CNTNAP2: variants seen among roughly 807,000 people sequenced by gnomAD.
CNTNAP2 encodes the protein contactin-associated protein-like 2.
Under a neutral mutation model 155.2 loss-of-function variants are expected in CNTNAP2, and 98 were observed. That is an observed-to-expected ratio of 0.63 (90% confidence interval 0.54 to 0.75). The LOEUF (loss-of-function observed/expected upper bound fraction) is 0.75, where lower values mean the gene tolerates loss of function less well. Ranked by LOEUF, CNTNAP2 falls within the 30% of genes least tolerant of loss-of-function variation. The probability of loss-of-function intolerance (pLI) is 0.00; values close to 1 mark genes in which losing one functional copy is unlikely to be tolerated. For missense variants in CNTNAP2, 1,727 were observed against 1,688.1 expected (o/e 1.02, Z -0.40); for synonymous variants, 651 against 631.2 (o/e 1.03, Z -0.47).
At chr7:147,914,436 A>G (rs1439240812) in intron 14 of CNTNAP2, among the ~76,000 whole-genome samples, 2 of 151,542 alleles carry the variant, frequency 1.3e-5, no homozygotes, top group Non-Finnish European at 2.9e-5. Flanking sequence ...GCCACTCGGG[A>G]GGCTGAGACA....
rs1245758423 is a variant in CNTNAP2, at chr7:146,471,930, A to G, written c.98-302341A>G. Among the ~76,000 whole-genome samples, 3 of 152,308 alleles carry G rather than the reference A, an allele frequency of 2.0e-5. No individual in the cohort carries two copies. In the East Asian group the frequency reaches 5.8e-4, roughly 29 times the overall value. On this transcript the variant is annotated intron_variant, in intron 1 of 23. Transcript: ENST00000361727. Reference sequence around the variant, plus strand: ...TGGTAGCTGAATAAAGAAAATTCCAACAGATTCTGTCAGTTTCCCAGATTT... The same window carrying G: ...TGGTAGCTGAATAAAGAAAATTCCAGCAGATTCTGTCAGTTTCCCAGATTT...
rs6464830 is a variant in CNTNAP2 at position 147,595,903 on chromosome 7, T to A, written c.1897+33646T>A. On this transcript the variant is annotated intron_variant, in intron 12 of 23. Transcript: ENST00000361727. ...CTCCGTGACCTCTAAAAGTTGGAGT[T>A]CCTGAGGCCTTACCCTGGGCTTTCT... Among the ~76,000 whole-genome samples, 3 of 151,982 alleles carry A rather than the reference T, an allele frequency of 2.0e-5. No individual in the cohort carries two copies. The South Asian group carries it at 6.2e-4, about 32-fold the overall frequency.
At chr7:147,678,331 C>T (rs1225940543) in intron 13 of CNTNAP2, among the ~76,000 whole-genome samples, 4 of 151,858 alleles carry the variant, frequency 2.6e-5, no homozygotes, top group Non-Finnish European at 5.9e-5. Context: ...AGACTGATCT[C>T]CCCAAATATG....
chr7:147,324,039 G>GAA (rs149474351), intron 9 of CNTNAP2, among the ~76,000 whole-genome samples: 27 of 148,278 alleles, frequency 1.8e-4, no homozygotes, highest in Middle Eastern at 3.5e-3. Context: ...GAACTATTAG[G>GAA]AAAAAAAAAA....
At chr7:148,299,293 A>G (rs1797340262) in intron 21 of CNTNAP2, among the ~76,000 whole-genome samples, 2 of 152,140 alleles carry the variant, frequency 1.3e-5, no homozygotes, top group African/African-American at 4.8e-5. Flanking sequence ...CCCGGCCCCA[A>G]CTTTTTAAAA....
intron 15 of CNTNAP2, among the ~76,000 whole-genome samples, chr7:147,994,369 CA>C (rs71527864): frequency 2.5e-3 from 327 of 132,192 alleles, no homozygotes; most frequent in Non-Finnish European, 2.7e-3. Flanking sequence ...AGACCTGTCT[CA>C]AAAAAAAAAA....
At chr7:147,519,116 A>G (rs981423760) in intron 11 of CNTNAP2, among the ~76,000 whole-genome samples, 2 of 151,962 alleles carry the variant, frequency 1.3e-5, no homozygotes, top group African/African-American at 4.8e-5. Flanking sequence ...CAACACAAAT[A>G]TGTTATCTTA....
chr7:147,306,629 G>A (rs537553035), intron 9 of CNTNAP2, among the ~76,000 whole-genome samples: 24 of 152,270 alleles, frequency 1.6e-4, no homozygotes, highest in African/African-American at 4.3e-4. Context: ...GGAACTAACC[G>A]AATGTTGTAT....
At chr7:146,769,842 T>A (rs1473879653) in intron 1 of CNTNAP2, among the ~76,000 whole-genome samples, 2 of 152,194 alleles carry the variant, frequency 1.3e-5, no homozygotes, top group Non-Finnish European at 2.9e-5. Context: ...ATGCATGATG[T>A]GTAACTGTGC....
chr7:146,412,922 T>C (rs1404743205), intron 1 of CNTNAP2, among the ~76,000 whole-genome samples: 1 of 152,152 alleles, frequency 6.6e-6, no homozygotes, highest in Non-Finnish European at 1.5e-5. Context: ...AATGGATACA[T>C]TTTTTTATAC....
At chr7:148,045,920 T>C (rs1802765796) in intron 15 of CNTNAP2, among the ~76,000 whole-genome samples, 1 of 152,130 alleles carries the variant, frequency 6.6e-6, no homozygotes, top group Non-Finnish European at 1.5e-5. Context: ...ATAGGAAAAA[T>C]GATTTTTATT....
chr7:148,385,673 A>G (rs527236961), intron 22 of CNTNAP2, among the ~76,000 whole-genome samples: 159 of 151,270 alleles, frequency 1.1e-3, no homozygotes, highest in Non-Finnish European at 1.8e-3. Context: ...GTGAGATATG[A>G]CTGTAGGGAC....
chr7:147,935,195 C>T (rs191497329), intron 14 of CNTNAP2, among the ~76,000 whole-genome samples: 3 of 151,616 alleles, frequency 2.0e-5, no homozygotes, highest in Non-Finnish European at 2.9e-5. Flanking sequence ...GGTGCGATCT[C>T]GGCTCACTGC....
intron 1 of CNTNAP2, among the ~76,000 whole-genome samples, chr7:146,133,791 G>T (rs941719323): frequency 6.6e-6 from 1 of 152,180 alleles, no homozygotes; most frequent in South Asian, 2.1e-4. Context: ...TTTGGTACCA[G>T]TACCATGCTG....
chr7:147,431,378 C>T (rs976785305), intron 10 of CNTNAP2, among the ~76,000 whole-genome samples: 1 of 152,098 alleles, frequency 6.6e-6, no homozygotes, highest in Non-Finnish European at 1.5e-5. Context: ...AAACTTTAAA[C>T]TATAAACTTT....
chr7:146,989,165 C>A (rs1308211415), intron 3 of CNTNAP2, among the ~76,000 whole-genome samples: 1 of 151,954 alleles, frequency 6.6e-6, no homozygotes, highest in East Asian at 1.9e-4. Context: ...CGTGTAGGAG[C>A]ATGTAGGGGT....
chr7:146,886,972 A>T lies in CNTNAP2; in HGVS notation c.402+47068A>T, dbSNP rs145926141. Among the ~76,000 whole-genome samples the T allele has an allele frequency of 3.3e-3, 497 of 151,584 alleles. 7 individuals are homozygous for T. Among genetic ancestry groups the T allele is most frequent in the African/African-American group, 0.011 (449 of 41,288 alleles). The stretch of plus-strand genomic sequence containing the variant: ...CTGCTCAGTGGATCATAGGAAATAG[A>T]CCTAATATTTCTGCCATGTAAAAAC... On this transcript the variant is annotated intron_variant, in intron 3 of 23. Coordinates refer to ENST00000361727, the MANE Select transcript of CNTNAP2 (RefSeq NM_014141.6).
intron 1 of CNTNAP2, among the ~76,000 whole-genome samples, chr7:146,292,388 C>T (rs552478386): frequency 7.5e-4 from 114 of 152,112 alleles, no homozygotes; most frequent in Middle Eastern, 3.4e-3. Flanking sequence ...ACTACCATGG[C>T]GTATTTACCT....
At chr7:147,495,165 G>A (rs1798680552) in intron 11 of CNTNAP2, among the ~76,000 whole-genome samples, 1 of 152,174 alleles carries the variant, frequency 6.6e-6, no homozygotes, top group South Asian at 2.1e-4. Flanking sequence ...AGGCAAGTGT[G>A]TATGATATGA....
Sources: gnomAD v4.1 joint callset for allele counts (sites outside exome capture counted in the v4.1 genomes callset) on GRCh38, gnomAD v4.1.1 for gene constraint, MANE v1.5 for transcripts, NCBI Gene and HGNC (gene_info 2026-07-23, HGNC 2026-07-21) for gene names.